The following TNIK variants were observed in gnomAD, a reference collection of about 807,000 sequenced individuals.
The protein encoded by TNIK is TRAF2 and NCK interacting kinase, also known as TRAF2 and NCK-interacting protein kinase.
TNIK carries 49 observed loss-of-function variants against 191.3 expected under a neutral mutation model. That is an observed-to-expected ratio of 0.26 (90% CI 0.20 to 0.32). TNIK has a LOEUF of 0.32. Among genes scored for constraint, TNIK ranks in the 10% least tolerant of loss-of-function variants. The probability of loss-of-function intolerance (pLI) is 1.00; values close to 1 mark genes in which losing one functional copy is unlikely to be tolerated. For synonymous variants in TNIK, 594 were observed against 600.9 expected (o/e 0.99, Z 0.17); for missense variants, 1,155 against 1,702.3 (o/e 0.68, Z 5.66).
In TNIK at chr3:171,084,267, C is replaced by A; in HGVS notation, c.3057G>T (p.Lys1019Asn). The A allele has an allele frequency of 1.9e-6, 3 of 1,613,764 alleles. No individual in the cohort carries two copies. Among genetic ancestry groups the A allele is most frequent in the Non-Finnish European group, 2.5e-6 (3 of 1,179,798 alleles). Residue 1019 changes from lysine to asparagine, a missense_variant, in exon 26 of 33, where the codon AAG (lysine) becomes AAT (asparagine). By Grantham distance (94) the Lys-to-Asn change is moderately conservative (BLOSUM62 0). Transcript: ENST00000436636. ...TTGGGTTTACATTTACCACCGAAAT[C>A]TTTCTTGCTTCATTGAGTTTGGCCT... is the stretch of plus-strand genomic sequence containing the variant. The part of the protein sequence containing the change: ...QEQAKLNEAR[K>N]ISVVNVNPTN...
chr3:171,184,102 C>A (rs1004098894), intron 7 of TNIK, among the ~76,000 whole-genome samples: 2 of 151,894 alleles, frequency 1.3e-5, no homozygotes, highest in Non-Finnish European at 2.9e-5. Flanking sequence ...TCCGAATAAA[C>A]AATTTATTAT....
chr3:171,383,763 G>A (rs9883470), intron 1 of TNIK, among the ~76,000 whole-genome samples: 81,749 of 151,734 alleles, frequency 0.54, 24,162 homozygotes, highest in East Asian at 0.84. Flanking sequence ...ATTCTGTGGC[G>A]TTTCAGCCAG....
intron 2 of TNIK, among the ~76,000 whole-genome samples, chr3:171,256,364 AGCTTAT>A (rs1381545592): frequency 6.6e-6 from 1 of 152,226 alleles, no homozygotes; most frequent in East Asian, 1.9e-4. Flanking sequence ...GAGGTTAATT[AGCTTAT>A]GTGGTACAGT....
intron 4 of TNIK, among the ~76,000 whole-genome samples, chr3:171,208,247 G>A (rs550071304): frequency 4.1e-4 from 63 of 152,214 alleles, no homozygotes; most frequent in African/African-American, 1.4e-3. Flanking sequence ...CTTGAGCTAT[G>A]GTATTTACGG....
chr3:171,099,987 T>G (rs1463643404), intron 22 of TNIK, among the ~76,000 whole-genome samples: 2 of 152,196 alleles, frequency 1.3e-5, no homozygotes, highest in African/African-American at 4.8e-5. Flanking sequence ...ATATAAACTT[T>G]TGGAAGACAA....
At chr3:171,329,189 C>T (rs1756137216) in intron 2 of TNIK, among the ~76,000 whole-genome samples, 1 of 152,092 alleles carries the variant, frequency 6.6e-6, no homozygotes, top group Non-Finnish European at 1.5e-5. Flanking sequence ...TGTGTATTTG[C>T]TGTTTCCTAT....
chr3:171,094,763 A>G (rs1722504833), intron 22 of TNIK, among the ~76,000 whole-genome samples: 1 of 152,122 alleles, frequency 6.6e-6, no homozygotes, highest in Non-Finnish European at 1.5e-5. Context: ...CTTATCACCT[A>G]TGTCTTGTCC....
At chr3:171,219,743 T>C (rs976893139) in intron 3 of TNIK, among the ~76,000 whole-genome samples, 2 of 151,988 alleles carry the variant, frequency 1.3e-5, no homozygotes, top group African/African-American at 4.8e-5. Context: ...CAGGAAACAA[T>C]AGATGCTGGA....
intron 30 of TNIK, among the ~76,000 whole-genome samples, chr3:171,067,456 G>T (rs901291203): frequency 6.6e-6 from 1 of 151,868 alleles, no homozygotes; most frequent in Non-Finnish European, 1.5e-5. Flanking sequence ...GGATCACGAC[G>T]TCAGGAGATC....
At chr3:171,236,468 C>T (rs1744281692) in intron 2 of TNIK, among the ~76,000 whole-genome samples, 1 of 152,132 alleles carries the variant, frequency 6.6e-6, no homozygotes, top group African/African-American at 2.4e-5. Flanking sequence ...TGGAGGCTCA[C>T]TAGAGACATT....
chr3:171,367,871 G>A (rs1409370267), intron 2 of TNIK, among the ~76,000 whole-genome samples: 1 of 152,128 alleles, frequency 6.6e-6, no homozygotes, highest in Admixed American at 6.5e-5. Flanking sequence ...CAAATCTCCT[G>A]TCCCAAAGTT....
intron 2 of TNIK, among the ~76,000 whole-genome samples, chr3:171,291,810 A>G (rs533771573): frequency 6.6e-6 from 1 of 152,248 alleles, no homozygotes; most frequent in African/African-American, 2.4e-5. Context: ...TCATTATCTC[A>G]TCAATATTTT....
chr3:171,150,638 C>G (rs550822077), intron 12 of TNIK, among the ~76,000 whole-genome samples: 4 of 152,174 alleles, frequency 2.6e-5, no homozygotes, highest in Non-Finnish European at 5.9e-5. Context: ...GGCAGTTTCT[C>G]CAGGGGAAGG....
chr3:171,298,490 T>C (rs10154882), intron 2 of TNIK, among the ~76,000 whole-genome samples: 2 of 152,016 alleles, frequency 1.3e-5, no homozygotes, highest in Admixed American at 1.3e-4. Flanking sequence ...TCACGTGATA[T>C]AGTTCTGACC....
At chr3:171,149,753 G>A (rs1339880607) in intron 12 of TNIK, among the ~76,000 whole-genome samples, 1 of 152,198 alleles carries the variant, frequency 6.6e-6, no homozygotes, top group Non-Finnish European at 1.5e-5. Context: ...GTTCCCAGCT[G>A]TTTCATAATT....
At chr3:171,359,749 A>G (rs956127316) in intron 2 of TNIK, among the ~76,000 whole-genome samples, 1 of 152,244 alleles carries the variant, frequency 6.6e-6, no homozygotes, top group Non-Finnish European at 1.5e-5. Flanking sequence ...GATAAGAAAT[A>G]CAATCTCAAT....
chr3:171,397,497 G>A (rs1327734059), intron 1 of TNIK, among the ~76,000 whole-genome samples: 2 of 152,152 alleles, frequency 1.3e-5, no homozygotes, highest in Non-Finnish European at 2.9e-5. Context: ...GTATCCTATC[G>A]TGACTGGAAT....
At chr3:171,351,671 T>C (rs567912602) in intron 2 of TNIK, among the ~76,000 whole-genome samples, 174 of 152,242 alleles carry the variant, frequency 1.1e-3, no homozygotes, top group Non-Finnish European at 2.3e-3. Context: ...AGTAGCCAAA[T>C]GTTGCAAATC....
intron 10 of TNIK, among the ~76,000 whole-genome samples, chr3:171,161,704 G>T (rs929706902): frequency 6.6e-6 from 1 of 151,844 alleles, no homozygotes; most frequent in African/African-American, 2.4e-5. Flanking sequence ...GGATCACAAG[G>T]TCAGGAGATC....
Sources: allele counts gnomAD v4.1 joint callset (sites outside exome capture counted in the v4.1 genomes callset), GRCh38; gene constraint gnomAD v4.1.1; transcripts MANE v1.5; gene names NCBI Gene and HGNC (gene_info 2026-07-23, HGNC 2026-07-21).